The following TCF12 variants were observed in gnomAD, a reference collection of about 807,000 sequenced individuals.
TCF12 encodes DNA-binding protein HTF4.
Under a neutral mutation model 86.0 loss-of-function variants are expected in TCF12, and 45 were observed. The ratio of observed to expected loss-of-function variants is 0.52; its 90% CI spans 0.41 to 0.67. The LOEUF is 0.67. TCF12 is among the 30% of genes least tolerant of loss of function. The pLI, the probability that TCF12 is intolerant of heterozygous loss-of-function variation, is 0.00. For synonymous variants in TCF12, 330 were observed against 299.6 expected (o/e 1.10, Z -1.05); for missense variants, 881 against 859.9 (o/e 1.02, Z -0.31).
rs560467044 is a variant in TCF12, at chr15:57,286,660, G to A, written c.*515G>A. The stretch of plus-strand genomic sequence containing the variant: ...ACAACCATTGGCCCTTAGCATTCCC[G>A]GCATACCTATTAGTGTCTTAAAAAG... On this transcript the variant is annotated 3_prime_UTR_variant, in exon 21 of 21. Coordinates refer to ENST00000333725, the MANE Select transcript of TCF12 (RefSeq NM_207037.2). 3.9e-5 allele frequency: 18 copies of A among 456,632 alleles called. No individual in the cohort carries two copies. In the East Asian group the frequency reaches 1.0e-3, roughly 26 times the overall value. 28.3% of individuals were successfully genotyped at this position (456,632 alleles called of 1,614,324 possible). A position where few individuals can be genotyped will look rare whatever the true frequency, so the allele number is the denominator to read the frequency against.
chr15:57,109,317 G>C (rs1162009693), intron 5 of TCF12: 3 of 152,032 alleles, frequency 2.0e-5, no homozygotes, highest in Non-Finnish European at 2.9e-5. Flanking sequence ...CTATTGTAAA[G>C]GTACTGAGAT....
At chr15:57,238,020 A>G (rs1566965273) in intron 12 of TCF12, among the ~76,000 whole-genome samples, 1 of 152,196 alleles carries the variant, frequency 6.6e-6, no homozygotes, top group Non-Finnish European at 1.5e-5. Context: ...ATTTAGGAAA[A>G]GTATTGATAA....
chr15:57,179,629 G>A (rs1378380192), intron 6 of TCF12, among the ~76,000 whole-genome samples: 1 of 151,462 alleles, frequency 6.6e-6, no homozygotes, highest in Non-Finnish European at 1.5e-5. Context: ...ACACTTTATA[G>A]ACAATATTTA....
Position 56,921,105 on chromosome 15 carries a change from T to C in TCF12, c.148+7T>C, listed in dbSNP as rs2059771018. 6.2e-7 allele frequency: 1 copy of C among 1,600,906 alleles called. No individual in the cohort carries two copies. The highest frequency in any genetic ancestry group is 1.7e-5 in the Admixed American group (1 of 58,642). ...AGTCAATTCAGTGGATCAGGTAAGA[T>C]GATGTCTTAAACTAAAGACTCATAT... On this transcript the variant is annotated splice_region_variant and intron_variant, in intron 3 of 20. Transcript: ENST00000333725.
intron 3 of TCF12, among the ~76,000 whole-genome samples, chr15:57,019,285 A>G (rs2065334223): frequency 6.6e-6 from 1 of 152,170 alleles, no homozygotes; most frequent in Non-Finnish European, 1.5e-5. Context: ...CTTTGGTTAG[A>G]CATAGGAATT....
At chr15:57,208,646 A>G (rs1452277014) in intron 8 of TCF12, among the ~76,000 whole-genome samples, 1 of 151,916 alleles carries the variant, frequency 6.6e-6, no homozygotes. Flanking sequence ...TGGCCTCCCA[A>G]AGTCCTGGGA....
intron 8 of TCF12, among the ~76,000 whole-genome samples, chr15:57,207,445 C>A (rs984692246): frequency 6.6e-6 from 1 of 152,060 alleles, no homozygotes; most frequent in Non-Finnish European, 1.5e-5. Context: ...CCAAGGCAGG[C>A]GGATCACTTA....
intron 3 of TCF12, among the ~76,000 whole-genome samples, chr15:56,960,106 C>T (rs1170951802): frequency 2.6e-5 from 4 of 152,200 alleles, no homozygotes; most frequent in Middle Eastern, 3.4e-3. Flanking sequence ...AAAATGCATT[C>T]GTCAAATAAG....
chr15:57,133,959 A>G (rs2052337826), intron 5 of TCF12, among the ~76,000 whole-genome samples: 2 of 152,140 alleles, frequency 1.3e-5, no homozygotes, highest in South Asian at 2.1e-4. Context: ...GTGATTTGCA[A>G]TTTTTTAAAA....
At chr15:57,220,486 A>G (rs945616848) in intron 8 of TCF12, among the ~76,000 whole-genome samples, 19 of 152,226 alleles carry the variant, frequency 1.2e-4, no homozygotes, top group African/African-American at 4.6e-4. Flanking sequence ...CATGAAATAA[A>G]TCACTATTTT....
At chr15:57,183,602 A>T (rs1382090083) in intron 6 of TCF12, among the ~76,000 whole-genome samples, 1 of 152,180 alleles carries the variant, frequency 6.6e-6, no homozygotes, top group Non-Finnish European at 1.5e-5. Flanking sequence ...CAAAAGGTTT[A>T]TGCCCAGGAA....
intron 3 of TCF12, among the ~76,000 whole-genome samples, chr15:56,986,291 G>C (rs2063176017): frequency 6.6e-6 from 1 of 152,114 alleles, no homozygotes. Context: ...TGTTATCAAT[G>C]TTGACCAAAA....
chr15:56,938,469 T>C (rs2060581295), intron 3 of TCF12, among the ~76,000 whole-genome samples: 1 of 152,108 alleles, frequency 6.6e-6, no homozygotes, highest in African/African-American at 2.4e-5. Flanking sequence ...TGTAGTTTGC[T>C]TTTTCTGTTG....
intron 3 of TCF12, among the ~76,000 whole-genome samples, chr15:56,972,461 C>T (rs552837346): frequency 6.6e-6 from 1 of 152,142 alleles, no homozygotes; most frequent in Non-Finnish European, 1.5e-5. Context: ...AAGGAAACTT[C>T]TATGAATTGA....
At chr15:57,142,860 G>A (rs542875497) in intron 5 of TCF12, among the ~76,000 whole-genome samples, 1 of 152,206 alleles carries the variant, frequency 6.6e-6, no homozygotes, top group Admixed American at 6.5e-5. Flanking sequence ...GAAATACCAT[G>A]CAAAATAAAT....
At chr15:56,925,995 G>T (rs562717566) in intron 3 of TCF12, among the ~76,000 whole-genome samples, 4 of 152,228 alleles carry the variant, frequency 2.6e-5, no homozygotes, top group Non-Finnish European at 5.9e-5. Context: ...GATGGGAAAT[G>T]GAGAAGGTCA....
intron 6 of TCF12, among the ~76,000 whole-genome samples, chr15:57,184,699 A>G (rs2056563943): frequency 6.6e-6 from 1 of 152,196 alleles, no homozygotes; most frequent in South Asian, 2.1e-4. Flanking sequence ...ACTACGAGCC[A>G]TATTCTGATC....
chr15:57,180,888 C>A (rs1457826314), intron 6 of TCF12, among the ~76,000 whole-genome samples: 1 of 130,142 alleles, frequency 7.7e-6, no homozygotes, highest in African/African-American at 3.0e-5. Context: ...GATCTCGGCT[C>A]ACTGCAAGCT....
chr15:57,101,993 G>C (rs1205944499), intron 5 of TCF12, among the ~76,000 whole-genome samples: 2 of 152,098 alleles, frequency 1.3e-5, no homozygotes, highest in East Asian at 3.9e-4. Flanking sequence ...TAAGGTCTGT[G>C]GTCCAGCATA....
Sources: gnomAD v4.1 joint callset for allele counts (sites outside exome capture counted in the v4.1 genomes callset) on GRCh38, gnomAD v4.1.1 for gene constraint, MANE v1.5 for transcripts, NCBI Gene and HGNC (gene_info 2026-07-23, HGNC 2026-07-21) for gene names.